PTPRG: variants seen among roughly 807,000 people sequenced by gnomAD.
The protein encoded by PTPRG is receptor-type tyrosine-protein phosphatase gamma.
PTPRG carries 102 observed loss-of-function variants against 165.3 expected under a neutral mutation model. The ratio of observed to expected loss-of-function variants is 0.62; its 90% CI spans 0.53 to 0.73. The LOEUF (loss-of-function observed/expected upper bound fraction) is 0.73, where lower values mean the gene tolerates loss of function less well. PTPRG is among the 30% of genes least tolerant of loss of function. The pLI, the probability that PTPRG is intolerant of heterozygous loss-of-function variation, is 0.00. For missense variants in PTPRG, 1,866 were observed against 1,861.4 expected (o/e 1.00, Z -0.05); for synonymous variants, 675 against 669.5 (o/e 1.01, Z -0.13).
intron 2 of PTPRG, among the ~76,000 whole-genome samples, chr3:61,936,018 T>C (rs1157051531): frequency 2.0e-5 from 3 of 152,084 alleles, no homozygotes; most frequent in African/African-American, 7.2e-5. Flanking sequence ...ATAAAAGAGA[T>C]TAAAGTTGAA....
intron 2 of PTPRG, among the ~76,000 whole-genome samples, chr3:61,829,499 T>A (rs1218404766): frequency 6.6e-6 from 1 of 152,236 alleles, no homozygotes; most frequent in Non-Finnish European, 1.5e-5. Flanking sequence ...ATACTTGGGC[T>A]TAAAGGATCA....
At chr3:61,678,728 G>T (rs958279352) in intron 1 of PTPRG, among the ~76,000 whole-genome samples, 1 of 152,094 alleles carries the variant, frequency 6.6e-6, no homozygotes, top group Non-Finnish European at 1.5e-5. Flanking sequence ...TCATAATCAT[G>T]TCCCATTTTG....
chr3:61,938,439 G>A (rs1483599645), intron 2 of PTPRG, among the ~76,000 whole-genome samples: 1 of 152,066 alleles, frequency 6.6e-6, no homozygotes, highest in Non-Finnish European at 1.5e-5. Context: ...GGAGTTTGAT[G>A]TAAATTGAAA....
At chr3:61,963,374 C>A (rs1575828193) in intron 2 of PTPRG, among the ~76,000 whole-genome samples, 1 of 151,806 alleles carries the variant, frequency 6.6e-6, no homozygotes, top group Non-Finnish European at 1.5e-5. Flanking sequence ...CCATGAACTG[C>A]AGTAAAAGAT....
intron 2 of PTPRG, among the ~76,000 whole-genome samples, chr3:61,798,181 G>A (rs2035113889): frequency 6.6e-6 from 1 of 152,160 alleles, no homozygotes; most frequent in South Asian, 2.1e-4. Flanking sequence ...AGTATCATGG[G>A]GAGCTTTTAA....
At chr3:61,813,870 G>T (rs982911093) in intron 2 of PTPRG, among the ~76,000 whole-genome samples, 1 of 148,200 alleles carries the variant, frequency 6.7e-6, no homozygotes, top group African/African-American at 2.5e-5. Context: ...AATTCTTACA[G>T]ACATCTTATG....
intron 6 of PTPRG, among the ~76,000 whole-genome samples, chr3:62,135,904 G>A (rs942920568): frequency 8.5e-5 from 13 of 152,160 alleles, no homozygotes; most frequent in African/African-American, 3.1e-4. Context: ...TGGCAGGAAT[G>A]GCCCAGCTCT....
chr3:61,617,964 A>G (rs562799023), intron 1 of PTPRG, among the ~76,000 whole-genome samples: 1 of 152,322 alleles, frequency 6.6e-6, no homozygotes, highest in African/African-American at 2.4e-5. Flanking sequence ...AAGGAATTGA[A>G]ATCTAAAAAT....
intron 2 of PTPRG, among the ~76,000 whole-genome samples, chr3:61,825,493 G>A (rs1427123504): frequency 3.9e-5 from 6 of 152,146 alleles, no homozygotes; most frequent in East Asian, 3.9e-4. Context: ...TTTACAATGC[G>A]TATCATAGAT....
chr3:62,146,369 G>A (rs1475243894), intron 6 of PTPRG, among the ~76,000 whole-genome samples: 1 of 152,100 alleles, frequency 6.6e-6, no homozygotes, highest in African/African-American at 2.4e-5. Flanking sequence ...TTCTCCAGGT[G>A]CTTCAAGACA....
rs563154955 is a variant in PTPRG at position 61,951,930 on chromosome 3, C to T, written c.191-37695C>T. Among the ~76,000 whole-genome samples, 7 of 152,072 alleles carry T rather than the reference C, an allele frequency of 4.6e-5. No homozygotes were observed. The South Asian group carries it at 1.0e-3, about 23-fold the overall frequency. ...GTCAGGAGATCAAGACCATCCTGGC[C>T]AACATGGGGAAACCCTGTCTTTACT... is the stretch of plus-strand genomic sequence containing the variant. On this transcript the variant is annotated intron_variant, in intron 2 of 29. Coordinates refer to ENST00000474889, the MANE Select transcript of PTPRG (RefSeq NM_002841.4).
intron 28 of PTPRG, among the ~76,000 whole-genome samples, chr3:62,288,457 CA>C (rs1164383961): frequency 1.3e-5 from 2 of 151,916 alleles, no homozygotes; most frequent in African/African-American, 4.8e-5. Flanking sequence ...GGCAGATCAC[CA>C]GGTCAGGAGT....
intron 2 of PTPRG, among the ~76,000 whole-genome samples, chr3:61,833,087 G>T (rs1255005141): frequency 6.6e-6 from 1 of 151,966 alleles, no homozygotes; most frequent in Non-Finnish European, 1.5e-5. Context: ...GTGTGTGTGT[G>T]TGTGTGTGTA....
intron 3 of PTPRG, among the ~76,000 whole-genome samples, chr3:61,990,873 A>G (rs2040870131): frequency 6.8e-6 from 1 of 147,168 alleles, no homozygotes; most frequent in Non-Finnish European, 1.5e-5. Flanking sequence ...CTTTGGTGCT[A>G]TTCATGTTGT....
At chr3:61,759,242 C>G (rs867306662) in intron 2 of PTPRG, among the ~76,000 whole-genome samples, 1 of 152,318 alleles carries the variant, frequency 6.6e-6, no homozygotes, top group Middle Eastern at 3.4e-3. Flanking sequence ...TAACTGATAA[C>G]TTGTGTAGGT....
intron 2 of PTPRG, among the ~76,000 whole-genome samples, chr3:61,879,166 C>T (rs1357332449): frequency 6.6e-6 from 1 of 152,164 alleles, no homozygotes; most frequent in Admixed American, 6.5e-5. Flanking sequence ...GTGTGAGCTG[C>T]AGGACTATAA....
At chr3:61,811,535 T>C (rs537217841) in intron 2 of PTPRG, among the ~76,000 whole-genome samples, 39 of 152,294 alleles carry the variant, frequency 2.6e-4, no homozygotes, top group Admixed American at 1.3e-4. Context: ...GGAAATGAAT[T>C]AGTTGCATCT....
At chr3:62,221,300 A>G (rs902419007) in intron 13 of PTPRG, among the ~76,000 whole-genome samples, 1 of 152,204 alleles carries the variant, frequency 6.6e-6, no homozygotes, top group South Asian at 2.1e-4. Flanking sequence ...ACTTCATCCA[A>G]CAGAGTCTGG....
intron 8 of PTPRG, among the ~76,000 whole-genome samples, chr3:62,178,182 G>GATGA (rs1705506245): frequency 6.7e-6 from 1 of 150,206 alleles, no homozygotes; most frequent in Non-Finnish European, 1.5e-5. Flanking sequence ...TGGATGGATG[G>GATGA]ATGCACATGT....
Sources: gnomAD v4.1 joint callset for allele counts (sites outside exome capture counted in the v4.1 genomes callset) on GRCh38, gnomAD v4.1.1 for gene constraint, MANE v1.5 for transcripts, NCBI Gene and HGNC (gene_info 2026-07-23, HGNC 2026-07-21) for gene names.